The following DOCK8 variants were observed in gnomAD, a reference collection of about 807,000 sequenced individuals.
DOCK8 encodes dedicator of cytokinesis 8, also known as dedicator of cytokinesis protein 8.
A neutral mutation model predicts 245.6 loss-of-function variants in DOCK8; 141 were observed. The observed-to-expected ratio is 0.57, with a 90% confidence interval of 0.50 to 0.66. DOCK8 has a LOEUF of 0.66. DOCK8 is among the 30% of genes least tolerant of loss of function. The pLI is 0.00. For missense variants in DOCK8, 2,965 were observed against 2,603.4 expected, an observed-to-expected ratio of 1.14 and a Z score of -3.02; for synonymous variants, 1,168 against 970.2, an observed-to-expected ratio of 1.20 and a Z score of -3.79.
chr9:416,078 A>G (rs2055993112), intron 29 of DOCK8, among the ~76,000 whole-genome samples: 1 of 152,208 alleles, frequency 6.6e-6, no homozygotes, highest in African/African-American at 2.4e-5. Flanking sequence ...CAAACTGCTA[A>G]TGGAGTAACT....
chr9:295,588 C>T (rs2049228379), intron 4 of DOCK8, among the ~76,000 whole-genome samples: 2 of 152,200 alleles, frequency 1.3e-5, no homozygotes, highest in African/African-American at 4.8e-5. Flanking sequence ...GACCTGCCTT[C>T]CTCTGGAGGA....
intron 39 of DOCK8, among the ~76,000 whole-genome samples, chr9:435,461 T>G (rs568054331): frequency 6.6e-6 from 1 of 152,248 alleles, no homozygotes; most frequent in South Asian, 2.1e-4. Flanking sequence ...GAGAGCAAGT[T>G]TTCTAAGGTC....
intron 1 of DOCK8, among the ~76,000 whole-genome samples, chr9:264,502 T>C (rs513236): frequency 0.53 from 79,786 of 151,666 alleles, 21,277 homozygotes; most frequent in East Asian, 0.79. Context: ...TGAGAAGAGA[T>C]AGAGAATATG....
intron 5 of DOCK8, 101 bp from the exon 6 acceptor site, chr9:311,853 T>C: frequency 7.0e-7 from 1 of 1,430,116 alleles, no homozygotes; most frequent in Admixed American, 1.7e-5. Flanking sequence ...GCTGAGATTC[T>C]GTAGTCCCAA....
At chr9:272,419 G>A (rs1249256597) in intron 2 of DOCK8, among the ~76,000 whole-genome samples, 1 of 152,142 alleles carries the variant, frequency 6.6e-6, no homozygotes, top group Non-Finnish European at 1.5e-5. Flanking sequence ...GTGTCAGTCT[G>A]TCACCCAGCC....
chr9:442,752 C>G (rs562536278), intron 42 of DOCK8, among the ~76,000 whole-genome samples: 5 of 152,248 alleles, frequency 3.3e-5, no homozygotes, highest in African/African-American at 1.2e-4. Context: ...CCAAGCAGGA[C>G]TGGGGTCCTT....
chr9:351,647 A>G (rs1348959994), intron 14 of DOCK8, among the ~76,000 whole-genome samples: 1 of 152,238 alleles, frequency 6.6e-6, no homozygotes. Context: ...CTCAGTAGGC[A>G]TGGAAATATC....
At chr9:343,846 A>T (rs559364390) in intron 14 of DOCK8, among the ~76,000 whole-genome samples, 1 of 152,244 alleles carries the variant, frequency 6.6e-6, no homozygotes, top group Admixed American at 6.5e-5. Flanking sequence ...GCATCCAATG[A>T]ATTCTGTAGT....
At chr9:460,236 T>G (rs1459514271) in intron 46 of DOCK8, 1 of 152,226 alleles carries the variant, frequency 6.6e-6, no homozygotes, top group East Asian at 1.9e-4. Context: ...ATATAACACA[T>G]TTAACTCAGT....
Position 410,576 on chromosome 9 carries a change from A to G in DOCK8, c.3530+3507A>G, listed in dbSNP as rs1346709569. 3.3e-5 allele frequency among the ~76,000 whole-genome samples: 5 copies of G among 152,164 alleles called. No homozygotes were observed. In the East Asian group the frequency reaches 9.6e-4, roughly 29 times the overall value. The stretch of plus-strand genomic sequence containing the variant: ...TTCTTTGGGGCTATAAATACAGCCT[A>G]TTTTTTATTTTAATATACTGCTCTT... On this transcript the variant is annotated intron_variant, in intron 28 of 47. Coordinates refer to ENST00000432829, the MANE Select transcript of DOCK8 (RefSeq NM_203447.4).
At chr9:344,006 G>A (rs568068227) in intron 14 of DOCK8, among the ~76,000 whole-genome samples, 2 of 152,312 alleles carry the variant, frequency 1.3e-5, no homozygotes, top group East Asian at 3.9e-4. Context: ...GGAGGGCAAA[G>A]GAGGACAAGT....
intron 26 of DOCK8, among the ~76,000 whole-genome samples, chr9:400,740 CCAGCATCTTCACCAT>C (rs1188085148): frequency 1.1e-4 from 11 of 98,784 alleles, no homozygotes; most frequent in Non-Finnish European, 2.1e-4. Context: ...TCCACCACCA[CCAGCATCTTCACCAT>C]CACCACCACC....
intron 26 of DOCK8, among the ~76,000 whole-genome samples, chr9:400,949 A>ACCACCACCACCACCACCT (rs1205191508): frequency 8.8e-6 from 1 of 113,386 alleles, no homozygotes. Flanking sequence ...CACCACCATC[A>ACCACCACCACCACCACCT]CCACCACCAC....
chr9:376,890 A>G (rs1258070408), intron 19 of DOCK8, 87 bp from the exon 20 acceptor site: 3 of 1,198,920 alleles, frequency 2.5e-6, no homozygotes, highest in African/African-American at 1.5e-5. Flanking sequence ...GGTTCTACCC[A>G]TAAAGAGCTA....
intron 14 of DOCK8, among the ~76,000 whole-genome samples, chr9:342,919 G>A (rs759422099): frequency 6.6e-6 from 1 of 152,064 alleles, no homozygotes; most frequent in African/African-American, 2.4e-5. Flanking sequence ...CTCTGTACAC[G>A]TTTGTGAAAG....
At chr9:366,331 A>C (rs543446735) in intron 14 of DOCK8, 2 of 152,358 alleles carry the variant, frequency 1.3e-5, no homozygotes, top group Non-Finnish European at 2.9e-5. Context: ...GTCACCCAAA[A>C]TAGAGAGATG....
intron 14 of DOCK8, among the ~76,000 whole-genome samples, chr9:349,119 GGGA>G (rs553895450): frequency 2.6e-5 from 4 of 152,312 alleles, no homozygotes; most frequent in African/African-American, 9.6e-5. Flanking sequence ...GAAACTGAGT[GGGA>G]GGTGCAGGTA....
chr9:431,366 G>A (rs1249173055), intron 36 of DOCK8, among the ~76,000 whole-genome samples: 1 of 152,130 alleles, frequency 6.6e-6, no homozygotes, highest in African/African-American at 2.4e-5. Context: ...TCCTCCAAAT[G>A]TATTAGGGAT....
Position 451,929 on chromosome 9 carries a change from A to G in DOCK8, c.5962-82A>G, listed in dbSNP as rs7876009. ...TACATATGCATATACATATATATGT[A>G]TGTGTATATATATATGTGTGTGTGT... On this transcript the variant is annotated intron_variant, in intron 45 of 47. Coordinates refer to ENST00000432829, the MANE Select transcript of DOCK8 (RefSeq NM_203447.4). 1.3e-5 allele frequency: 4 copies of G among 316,746 alleles called. No homozygotes were observed. In the Admixed American group the frequency reaches 1.4e-4, roughly 11 times the overall value. The allele number at this position is 316,746 out of a possible 1,614,324, so 19.6% of individuals were successfully genotyped here. A position where few individuals can be genotyped will look rare whatever the true frequency, so the allele number is the denominator to read the frequency against.
Sources: allele counts gnomAD v4.1 joint callset (sites outside exome capture counted in the v4.1 genomes callset), GRCh38; gene constraint gnomAD v4.1.1; transcripts MANE v1.5; gene names NCBI Gene and HGNC (gene_info 2026-07-23, HGNC 2026-07-21).